The following PPP2R3C variants were observed in gnomAD, a reference collection of about 807,000 sequenced individuals.
PPP2R3C encodes the protein serine/threonine-protein phosphatase 2A regulatory subunit B'' subunit gamma.
PPP2R3C carries 47 observed loss-of-function variants against 63.7 expected under a neutral mutation model. The ratio of observed to expected loss-of-function variants is 0.74; its 90% CI spans 0.58 to 0.94. The LOEUF (loss-of-function observed/expected upper bound fraction) is 0.94. Among genes scored for constraint, PPP2R3C ranks in the 40% least tolerant of loss-of-function variants. PPP2R3C has a pLI of 0.00. For missense variants in PPP2R3C, 421 were observed against 518.4 expected (o/e 0.81, Z 1.82); for synonymous variants, 180 against 177.4 (o/e 1.01, Z -0.12).
At position 35,091,397 on chromosome 14, in the gene PPP2R3C, ACT is replaced by A. The variant is rs2045813405; in HGVS notation, c.976-192_976-191del. 2.0e-5 allele frequency among the ~76,000 whole-genome samples: 3 copies of A among 152,088 alleles called. 1 individual carries two copies. In the Middle Eastern group the frequency reaches 0.01, roughly 517 times the overall value. The stretch of plus-strand genomic sequence containing the variant: ...GGAATTTTTTTCGAGACAGAGTTTC[ACT>A]CTCATTGCCCAGGCTGGAGTTGCAA... On this transcript the variant is annotated intron_variant, in intron 10 of 12. Transcript: ENST00000261475.
intron 12 of PPP2R3C, chr14:35,086,092 C>T (rs2045584454): frequency 3.9e-6 from 1 of 253,578 alleles, no homozygotes; most frequent in Non-Finnish European, 7.4e-6. Context: ...AGTGGCAGAA[C>T]TATCTAATGC....
At chr14:35,101,007 G>T (rs1225444740) in intron 6 of PPP2R3C, 1 of 151,714 alleles carries the variant, frequency 6.6e-6, no homozygotes, top group Non-Finnish European at 1.5e-5. Flanking sequence ...ATGGACTCTT[G>T]CTCTGTCACC....
intron 4 of PPP2R3C, among the ~76,000 whole-genome samples, chr14:35,108,966 C>G (rs755544632): frequency 2.6e-5 from 4 of 151,482 alleles, no homozygotes; most frequent in Non-Finnish European, 5.9e-5. Flanking sequence ...TTTTATTTTG[C>G]AGAGATGGGC....
In PPP2R3C at chr14:35,109,924, C is replaced by A; in HGVS notation, c.299G>T (p.Trp100Leu). ...LLDNEELQNL[W>L]FLLDKHQTPP... ...TGTCTGGTGTTTGTCCAGCAAAAAC[C>A]ATAAGTTCTTAAGAGAATTGTGGAA... The change falls in exon 4 of 13, where the codon TGG (tryptophan) becomes TTG (leucine). Residue 100 changes from tryptophan (W) to leucine (L), a missense_variant. This residue lies in a region of PPP2R3C where 143 missense variants were observed against 151.2 expected (regional missense o/e 0.95). Transcript: ENST00000261475. 2.5e-6 allele frequency: 4 copies of A among 1,592,642 alleles called. No individual in the cohort carries two copies. Among genetic ancestry groups the A allele is most frequent in the Non-Finnish European group, 3.4e-6 (4 of 1,164,488 alleles).
intron 11 of PPP2R3C, among the ~76,000 whole-genome samples, chr14:35,090,711 ATTTTTTTTTTT>A (rs35890780): frequency 9.1e-6 from 1 of 110,352 alleles, no homozygotes; most frequent in South Asian, 2.9e-4. Flanking sequence ...GCATCTCACA[ATTTTTTTTTTT>A]TTTTTTTTTT....
intron 6 of PPP2R3C, among the ~76,000 whole-genome samples, chr14:35,106,944 G>A (rs542777775): frequency 6.6e-6 from 1 of 152,284 alleles, no homozygotes; most frequent in South Asian, 2.1e-4. Context: ...TGGGATTACA[G>A]GTGTGAGCTA....
chr14:35,096,666 G>A (rs934482010), intron 8 of PPP2R3C, 33 bp from the exon 9 acceptor site: 5 of 1,609,610 alleles, frequency 3.1e-6, no homozygotes, highest in African/African-American at 2.7e-5. Flanking sequence ...TTAGAAGATA[G>A]CAACTGTCAA....
chr14:35,100,935 T>C (rs1359516199), intron 6 of PPP2R3C: 1 of 152,108 alleles, frequency 6.6e-6, no homozygotes, highest in Non-Finnish European at 1.5e-5. Flanking sequence ...CTGGTTATTA[T>C]TCCTTTTTAA....
chr14:35,107,142 C>T (rs2046389259), intron 6 of PPP2R3C, among the ~76,000 whole-genome samples, 162 bp downstream of exon 6: 1 of 152,094 alleles, frequency 6.6e-6, no homozygotes, highest in East Asian at 1.9e-4. Context: ...GTACAAGTTG[C>T]TTTGTTACAG....
At chr14:35,120,252 CT>C (rs201787178) in intron 1 of PPP2R3C, among the ~76,000 whole-genome samples, 2 of 144,310 alleles carry the variant, frequency 1.4e-5, no homozygotes, top group African/African-American at 5.1e-5. Flanking sequence ...ACTGCTTCTC[CT>C]TTTTTTTTGA....
chr14:35,108,699 G>C (rs973879927), intron 4 of PPP2R3C, among the ~76,000 whole-genome samples: 4 of 151,990 alleles, frequency 2.6e-5, no homozygotes, highest in Non-Finnish European at 2.9e-5. Context: ...GAACCCAGGA[G>C]GCGGAGGTTA....
At chr14:35,087,244 T>C (rs1159122171) in intron 12 of PPP2R3C, 1 of 152,150 alleles carries the variant, frequency 6.6e-6, no homozygotes, top group Non-Finnish European at 1.5e-5. Flanking sequence ...TGTAGTAAAA[T>C]AACTACAAAA....
At chr14:35,087,370 T>A (rs1025284460) in intron 12 of PPP2R3C, 1 of 152,328 alleles carries the variant, frequency 6.6e-6, no homozygotes, top group Middle Eastern at 3.2e-3. Flanking sequence ...CAGACTGCCG[T>A]AGGATATAGA....
Position 35,108,203 on chromosome 14 carries a change from G to C in PPP2R3C, c.438C>G (p.Leu146=). ...QFFTAKVFAK[L]LHTDSYGRIS... ...TTCTTCCATATGAATCTGTATGAAGGAGTTTAGCAAAGACTTTTGCTGTGA... is the reference window on the plus strand; with the variant it reads ...TTCTTCCATATGAATCTGTATGAAGCAGTTTAGCAAAGACTTTTGCTGTGA... The change falls in exon 5 of 13, where the codon CTC becomes CTG. Residue 146 remains leucine (L), a synonymous_variant. Transcript: ENST00000261475. The C allele has an allele frequency of 6.3e-7, 1 of 1,591,972 alleles. No individual in the cohort carries two copies. Among genetic ancestry groups the C allele is most frequent in the South Asian group, 1.2e-5 (1 of 84,070 alleles).
In PPP2R3C at chr14:35,107,266, A is replaced by G. The variant is rs141779649; in HGVS notation, c.573+38T>C. The G allele has an allele frequency of 3.0e-4, 434 of 1,463,804 alleles. 2 individuals carry two copies. The African/African-American group carries it at 4.6e-3, about 15-fold the overall frequency. The allele number at this position is 1,463,804 out of a possible 1,614,324, so 90.7% of individuals were successfully genotyped here. Reference sequence around the variant, plus strand: ...AACTACAGTTTACATTTTAGTGTCTATAAGAGTTAATATAATATCTATAAG... The same window carrying G: ...AACTACAGTTTACATTTTAGTGTCTGTAAGAGTTAATATAATATCTATAAG... On this transcript the variant is annotated intron_variant, in intron 6 of 12. Transcript: ENST00000261475.
intron 4 of PPP2R3C, among the ~76,000 whole-genome samples, chr14:35,109,360 A>T (rs951293339): frequency 6.6e-6 from 1 of 151,940 alleles, no homozygotes; most frequent in East Asian, 1.9e-4. Context: ...TGGCTATATT[A>T]TTTATTTTAA....
At chr14:35,121,854 G>A (rs772175269) in intron 1 of PPP2R3C, 48 bp downstream of exon 1, 38 of 1,601,846 alleles carry the variant, frequency 2.4e-5, no homozygotes, top group Admixed American at 3.4e-5. Context: ...CTACCTCTAG[G>A]AGTTTAGGGC....
At chr14:35,087,906 A>C (rs760018668) in intron 12 of PPP2R3C, 45 bp downstream of exon 12, 5 of 1,380,536 alleles carry the variant, frequency 3.6e-6, no homozygotes, top group Non-Finnish European at 5.1e-6. Context: ...ACAAATGACT[A>C]TCTCATAATT....
At chr14:35,113,046 GGTA>G (rs1342753138) in intron 2 of PPP2R3C, 1 of 152,248 alleles carries the variant, frequency 6.6e-6, no homozygotes, top group African/African-American at 2.4e-5. Context: ...AACCACCTTT[GGTA>G]CATGTTCTCA....
Sources: gnomAD v4.1 joint callset for allele counts (sites outside exome capture counted in the v4.1 genomes callset) on GRCh38, gnomAD v4.1.1 for gene constraint, gnomAD v4.1.1 regional missense constraint, MANE v1.5 for transcripts, NCBI Gene and HGNC (gene_info 2026-07-23, HGNC 2026-07-21) for gene names.